The following SLC48A1 variants were observed in gnomAD, a reference collection of about 807,000 sequenced individuals.
The protein encoded by SLC48A1 is solute carrier family 48 member 1.
Under a neutral mutation model 14.8 loss-of-function variants are expected in SLC48A1, and 6 were observed. The ratio of observed to expected loss-of-function variants is 0.41; its 90% CI spans 0.22 to 0.80. The LOEUF (loss-of-function observed/expected upper bound fraction) is 0.80, where lower values mean the gene tolerates loss of function less well. SLC48A1 is among the 30% of genes least tolerant of loss of function. The probability of loss-of-function intolerance (pLI) is 0.34; values close to 1 mark genes in which losing one functional copy is unlikely to be tolerated. For synonymous variants in SLC48A1, 89 were observed against 90.0 expected, an observed-to-expected ratio of 0.99 and a Z score of 0.06; for missense variants, 165 against 204.8, an observed-to-expected ratio of 0.81 and a Z score of 1.19.
chr12:47,761,196 CA>C (rs35422100), intron 2 of SLC48A1, among the ~76,000 whole-genome samples: 2,770 of 101,986 alleles, frequency 0.027, 64 homozygotes, highest in African/African-American at 0.08. Flanking sequence ...AACTCCATCT[CA>C]AAAAAAAAAA....
chr12:47,764,136 G>A (rs1942457603), intron 2 of SLC48A1, among the ~76,000 whole-genome samples: 1 of 152,102 alleles, frequency 6.6e-6, no homozygotes, highest in Non-Finnish European at 1.5e-5. Flanking sequence ...GCTTCTCAAG[G>A]AGAGAGAGAG....
upstream of SLC48A1, among the ~76,000 whole-genome samples, chr12:47,755,080 G>T (rs566301815): frequency 6.6e-6 from 1 of 152,332 alleles, no homozygotes; most frequent in African/African-American, 2.4e-5. Context: ...GGGCCGGGAT[G>T]ATGCCTTAAG....
chr12:47,756,983 A>C (rs1328594573), upstream of SLC48A1, among the ~76,000 whole-genome samples: 5 of 151,908 alleles, frequency 3.3e-5, no homozygotes, highest in African/African-American at 1.2e-4. Context: ...AAAAAAAAGA[A>C]AGAAAAGAAA....
At chr12:47,758,349 G>T, upstream of SLC48A1, 1 of 1,451,648 alleles carries the variant, frequency 6.9e-7, no homozygotes, top group Non-Finnish European at 9.1e-7. Context: ...CACTGCCCAT[G>T]CCCCTGCAGG....
At chr12:47,765,554 A>G (rs1334062368) in intron 2 of SLC48A1, among the ~76,000 whole-genome samples, 2 of 151,848 alleles carry the variant, frequency 1.3e-5, no homozygotes, top group Non-Finnish European at 2.9e-5. Flanking sequence ...CTGGGGCCTC[A>G]GCTGAGGGTG....
chr12:47,768,221 C>A (rs1157980793), upstream of SLC48A1, among the ~76,000 whole-genome samples: 1 of 152,222 alleles, frequency 6.6e-6, no homozygotes, highest in Non-Finnish European at 1.5e-5. Context: ...AAGTGATCCA[C>A]CCACCTCAGC....
intron 1 of SLC48A1, among the ~76,000 whole-genome samples, chr12:47,776,480 G>T (rs1942756004): frequency 6.7e-6 from 1 of 148,362 alleles, no homozygotes; most frequent in Admixed American, 6.7e-5. Flanking sequence ...GGGGACCAGT[G>T]AGGGGCTCCA....
At chr12:47,768,972 G>T (rs1169250231), upstream of SLC48A1, 1 of 152,196 alleles carries the variant, frequency 6.6e-6, no homozygotes, top group Non-Finnish European at 1.5e-5. Context: ...GGGTCTAGGG[G>T]ACAGGGGTAG....
chr12:47,772,619 C>T (rs1942649794), upstream of SLC48A1, among the ~76,000 whole-genome samples: 2 of 151,734 alleles, frequency 1.3e-5, no homozygotes, highest in African/African-American at 4.8e-5. Context: ...TTGGAGGATG[C>T]GGAGCTATGA....
At chr12:47,753,965 G>A (rs949643890), upstream of SLC48A1, 1 of 152,218 alleles carries the variant, frequency 6.6e-6, no homozygotes, top group African/African-American at 2.4e-5. Context: ...GGACTTTAAG[G>A]AATCCCTCTC....
chr12:47,773,322 G>T lies in SLC48A1; in HGVS notation c.18G>T (p.Leu6=). Residue 6 remains leucine, a synonymous_variant, in exon 1 of 3, where the codon CTG becomes CTT. Coordinates refer to ENST00000442218, the MANE Select transcript of SLC48A1 (RefSeq NM_017842.3). Reference sequence around the variant, plus strand: ...GCAGCCCCATGGCCCCGTCCAGGCTGCAGCTCGGCCTCCGCGCCGCCTACT... The same window carrying T: ...GCAGCCCCATGGCCCCGTCCAGGCTTCAGCTCGGCCTCCGCGCCGCCTACT... MAPSR[L]QLGLRAAYSG... 1 of 1,468,300 alleles carries T rather than the reference G, an allele frequency of 6.8e-7. No homozygotes were observed. 91.0% of individuals were successfully genotyped at this position (1,468,300 alleles called of 1,614,324 possible). A position where few individuals can be genotyped will look rare whatever the true frequency, so the allele number is the denominator to read the frequency against.
chr12:47,761,755 AAAT>A (rs1168781143), intron 2 of SLC48A1, among the ~76,000 whole-genome samples: 4 of 152,210 alleles, frequency 2.6e-5, no homozygotes, highest in Admixed American at 2.0e-4. Flanking sequence ...TAAGACAGAT[AAAT>A]AATAATAAGA....
intron 2 of SLC48A1, among the ~76,000 whole-genome samples, chr12:47,763,066 G>A (rs895661424): frequency 6.6e-6 from 1 of 152,182 alleles, no homozygotes; most frequent in Non-Finnish European, 1.5e-5. Context: ...TAATGATTAC[G>A]GGTGGAAATG....
intron 1 of SLC48A1, among the ~76,000 whole-genome samples, chr12:47,775,323 G>A (rs1942723963): frequency 6.6e-6 from 1 of 152,198 alleles, no homozygotes; most frequent in Non-Finnish European, 1.5e-5. Context: ...CTTGGCCTAT[G>A]AGGCAGGCCA....
rs111633135 is a variant in SLC48A1 at position 47,778,096 on chromosome 12, G to A, written c.137-932G>A. 1.4e-3 allele frequency among the ~76,000 whole-genome samples: 220 copies of A among 152,324 alleles called. 1 individual carries two copies. The highest frequency in any genetic ancestry group is 4.8e-3 in the African/African-American group (201 of 41,580). On this transcript the variant is annotated intron_variant, in intron 1 of 2. Coordinates refer to ENST00000442218, the MANE Select transcript of SLC48A1 (RefSeq NM_017842.3). The stretch of plus-strand genomic sequence containing the variant: ...CTTGCCGGGATCCACCGCCCTGCCC[G>A]GACCCTTGCCAATGGAGTTGATATT...
At chr12:47,768,226 C>T (rs964764525), upstream of SLC48A1, among the ~76,000 whole-genome samples, 3 of 152,214 alleles carry the variant, frequency 2.0e-5, no homozygotes, top group Admixed American at 6.5e-5. Flanking sequence ...ATCCACCCAC[C>T]TCAGCCTCCC....
chr12:47,773,126 G>A (rs908885334), upstream of SLC48A1: 685 of 914,070 alleles, frequency 7.5e-4, 1 homozygote, highest in Non-Finnish European at 8.1e-4. Flanking sequence ...TGCGGTTCCG[G>A]GCGCGGGCGG....
upstream of SLC48A1, among the ~76,000 whole-genome samples, chr12:47,757,651 T>C (rs1942161303): frequency 6.6e-6 from 1 of 151,956 alleles, no homozygotes; most frequent in Non-Finnish European, 1.5e-5. Flanking sequence ...ACAGAGACAT[T>C]TGGGCAGAAC....
upstream of SLC48A1, among the ~76,000 whole-genome samples, chr12:47,772,492 G>A (rs1942647025): frequency 1.3e-5 from 2 of 152,126 alleles, no homozygotes; most frequent in African/African-American, 4.8e-5. Context: ...GCAATATAGC[G>A]AGACCCTATC....
Sources: allele counts gnomAD v4.1 joint callset (sites outside exome capture counted in the v4.1 genomes callset), GRCh38; gene constraint gnomAD v4.1.1; transcripts MANE v1.5; gene names NCBI Gene and HGNC (gene_info 2026-07-23, HGNC 2026-07-21).